Variants in LGALS4 observed in about 807,000 individuals in gnomAD.
LGALS4 encodes galectin-4.
LGALS4 carries 37 observed loss-of-function variants against 39.6 expected under a neutral mutation model. The observed-to-expected ratio is 0.93, with a 90% CI of 0.72 to 1.23. The LOEUF (loss-of-function observed/expected upper bound fraction) is 1.23. Ranked by LOEUF, LGALS4 falls within the 50% of genes most tolerant of loss-of-function variation. LGALS4 has a pLI of 0.00. For missense variants in LGALS4, 397 were observed against 433.2 expected, an observed-to-expected ratio of 0.92 and a Z score of 0.74; for synonymous variants, 160 against 165.5, an observed-to-expected ratio of 0.97 and a Z score of 0.25.
intron 6 of LGALS4, 58 bp downstream of exon 6, chr19:38,803,684 A>G: frequency 6.2e-7 from 1 of 1,601,234 alleles, no homozygotes; most frequent in African/African-American, 1.3e-5. Context: ...AGCTCCCCCT[A>G]CCCCAATTCT....
chr19:38,808,680 A>G, intron 3 of LGALS4, 64 bp downstream of exon 3: 2 of 1,290,488 alleles, frequency 1.5e-6, no homozygotes, highest in South Asian at 1.3e-5. Context: ...GCGGGAAGGA[A>G]GGAAGCAGCC....
chr19:38,809,397 CTCAAACTCCTG>C (rs761384125), intron 2 of LGALS4, among the ~76,000 whole-genome samples: 1 of 151,838 alleles, frequency 6.6e-6, no homozygotes, highest in Non-Finnish European at 1.5e-5. Flanking sequence ...CCAGGCTGAT[CTCAAACTCCTG>C]ACCTCAGGTG....
Position 38,812,445 on chromosome 19 carries a change from G to T in LGALS4, c.120C>A (p.Ser40Arg), listed in dbSNP as rs767057278. Reference protein sequence around the residue: ...GMSVYIQGVASEHMKRFFVNF... With the variant: ...GMSVYIQGVAREHMKRFFVNF... ...GAGGGTCTTACCGCTTCATGTGCTC[G>T]CTGGCCACTCCTTGGATGTAAACAG... The change falls in exon 2 of 10, where the codon AGC (serine) becomes AGA (arginine). Residue 40 changes from serine to arginine, a missense_variant. Transcript: ENST00000307751. 6.2e-7 allele frequency: 1 copy of T among 1,614,054 alleles called. No homozygotes were observed.
At chr19:38,804,135 C>T (rs570810836) in intron 4 of LGALS4, among the ~76,000 whole-genome samples, 135 of 152,278 alleles carry the variant, frequency 8.9e-4, no homozygotes, top group African/African-American at 2.9e-3. Flanking sequence ...ATTTTGTTCT[C>T]TGTGCCCTTC....
intron 7 of LGALS4, chr19:38,803,096 C>T (rs566245745): frequency 3.0e-4 from 50 of 165,990 alleles, no homozygotes; most frequent in Middle Eastern, 2.9e-3. Flanking sequence ...CTCACTGCAA[C>T]CTCCGACTCC....
chr19:38,809,644 C>CTTT (rs66473176), intron 2 of LGALS4, among the ~76,000 whole-genome samples: 17 of 74,518 alleles, frequency 2.3e-4, no homozygotes, highest in Admixed American at 3.7e-4. Flanking sequence ...CTATGCCTGG[C>CTTT]TTTTTTTTTT....
intron 2 of LGALS4, among the ~76,000 whole-genome samples, chr19:38,809,479 A>T (rs116339617): frequency 2.7e-5 from 4 of 145,558 alleles, no homozygotes; most frequent in Non-Finnish European, 6.0e-5. Context: ...CGTGCCTGAC[A>T]TTTTTTTTCT....
chr19:38,808,672 GGGAA>G, intron 3 of LGALS4, 68 bp downstream of exon 3: 1 of 1,172,282 alleles, frequency 8.5e-7, no homozygotes, highest in Non-Finnish European at 1.2e-6. Context: ...GAAGGAAGGC[GGGAA>G]GGAAGGAAGC....
chr19:38,803,400 T>C (rs1029998480), intron 7 of LGALS4, 122 bp downstream of exon 7: 1 of 977,054 alleles, frequency 1.0e-6, no homozygotes, highest in Admixed American at 1.9e-5. Context: ...CCACGAACTC[T>C]ATCTACCCTT....
rs779761590 is a variant in LGALS4 at position 38,803,729 on chromosome 19, C to T, written c.540+13G>A. 1.1e-5 allele frequency: 18 copies of T among 1,612,174 alleles called. No individual in the cohort carries two copies. The highest frequency in any genetic ancestry group is 1.5e-5 in the Non-Finnish European group (18 of 1,179,324). ...CACTCCTCACCCGGGGCCCTCCCAG[C>T]CCTCCCACTCACGGGCAGGCTGTTC... On this transcript the variant is annotated intron_variant, in intron 6 of 9. Transcript: ENST00000307751.
chr19:38,802,827 G>A (rs1462273597), intron 7 of LGALS4, among the ~76,000 whole-genome samples: 6 of 151,722 alleles, frequency 4.0e-5, no homozygotes, highest in African/African-American at 9.7e-5. Flanking sequence ...ACAGGTGTGC[G>A]CCACCACACC....
chr19:38,809,644 C>CTTTTTTTTTTTTTTTTTTTTTTT (rs66473176), intron 2 of LGALS4, among the ~76,000 whole-genome samples: 1 of 74,516 alleles, frequency 1.3e-5, no homozygotes, highest in Non-Finnish European at 2.4e-5. Context: ...CTATGCCTGG[C>CTTTTTTTTTTTTTTTTTTTTTTT]TTTTTTTTTT....
chr19:38,812,523 G>A lies in LGALS4; in HGVS notation c.46-4C>T, dbSNP rs1264020327. On this transcript the variant is annotated splice_polypyrimidine_tract_variant and splice_region_variant and intron_variant, in intron 1 of 9. Coordinates refer to ENST00000307751, the MANE Select transcript of LGALS4 (RefSeq NM_006149.4). ...TGGGCTGGTAGTAAGGCAGCGTCTG[G>A]AGAAGAGGCCTGGTGAGGGGACTCA... 2 of 1,613,954 alleles carry A rather than the reference G, an allele frequency of 1.2e-6. No homozygotes were observed. Among genetic ancestry groups the A allele is most frequent in the Middle Eastern group, 1.7e-4 (1 of 6,060 alleles).
intron 2 of LGALS4, 91 bp downstream of exon 2, chr19:38,812,339 TG>T: frequency 9.5e-7 from 1 of 1,047,614 alleles, no homozygotes; most frequent in Non-Finnish European, 1.5e-6. Flanking sequence ...TCCACCAGGG[TG>T]GGGTAAGGGC....
chr19:38,803,857 G>A lies in LGALS4; in HGVS notation c.501+12C>T, dbSNP rs1305101140. 6.2e-7 allele frequency: 1 copy of A among 1,612,268 alleles called. No homozygotes were observed. Among genetic ancestry groups the A allele is most frequent in the East Asian group, 2.2e-5 (1 of 44,824 alleles). ...TAGGGAGGAAGACCCTCACCTATCA[G>A]CAAGTACTTACAGGGTAAGGTGGCA... On this transcript the variant is annotated intron_variant, in intron 5 of 9. Transcript: ENST00000307751.
chr19:38,805,207 A>T (rs1971409228), intron 4 of LGALS4, among the ~76,000 whole-genome samples: 1 of 147,420 alleles, frequency 6.8e-6, no homozygotes, highest in African/African-American at 2.5e-5. Flanking sequence ...AATAATAATA[A>T]TATTGATAAA....
Position 38,801,915 on chromosome 19 carries a change from A to G in LGALS4, c.826-5T>C, listed in dbSNP as rs200693237. On this transcript the variant is annotated splice_region_variant and splice_polypyrimidine_tract_variant and intron_variant, in intron 9 of 9. Transcript: ENST00000307751. ...CAAGCCACAGCGAATGGACAGCTGC[A>G]GGGAGAAGGGTGGGCATGAGGCCAG... 4 of 1,614,196 alleles carry G rather than the reference A, an allele frequency of 2.5e-6. No individual in the cohort carries two copies. In the East Asian group the frequency reaches 8.9e-5, roughly 36 times the overall value.
rs537002104 is a variant in LGALS4, at chr19:38,808,850, G to A, written c.233C>T (p.Thr78Met). Residue 78 changes from threonine to methionine, a missense_variant, in exon 3 of 10, where the codon ACG becomes ATG. Thr to Met is a moderately conservative substitution (Grantham distance 81). Transcript: ENST00000307751. ...FDGWDKVVFN[T>M]LQGGKWGSEE... ...GCTGCCCCACTTCCCGCCCTGCAAC[G>A]TGTTGAAGACCACCTTGTCCCAGCC... 54 of 1,614,138 alleles carry A rather than the reference G, an allele frequency of 3.3e-5. No individual in the cohort carries two copies. The East Asian group carries it at 4.7e-4, about 14-fold the overall frequency.
Position 38,801,727 on chromosome 19 carries a change from A to G in LGALS4, c.*37T>C. 1 of 1,609,212 alleles carries G rather than the reference A, an allele frequency of 6.2e-7. No homozygotes were observed. The highest frequency in any genetic ancestry group is 8.5e-7 in the Non-Finnish European group (1 of 1,176,666). ...GCTTAGAAAGGAGTCCTAGGGGATA[A>G]TTCTGTTTTCCCATGAGTTATGGCC... On this transcript the variant is annotated 3_prime_UTR_variant, in exon 10 of 10. Transcript: ENST00000307751.
Sources: gnomAD v4.1 joint callset for allele counts (sites outside exome capture counted in the v4.1 genomes callset) on GRCh38, gnomAD v4.1.1 for gene constraint, MANE v1.5 for transcripts, NCBI Gene and HGNC (gene_info 2026-07-23, HGNC 2026-07-21) for gene names.